The following AGBL4 variants were observed in gnomAD, a reference collection of about 807,000 sequenced individuals.
The protein encoded by AGBL4 is cytosolic carboxypeptidase 6.
A neutral mutation model predicts 66.4 loss-of-function variants in AGBL4; 58 were observed. The observed-to-expected ratio is 0.87, with a 90% CI of 0.71 to 1.09. The LOEUF (loss-of-function observed/expected upper bound fraction) is 1.09, where lower values mean the gene tolerates loss of function less well. Ranked by LOEUF, AGBL4 falls within the 50% of genes least tolerant of loss-of-function variation. The pLI is 0.00. For synonymous variants in AGBL4, 234 were observed against 222.9 expected (o/e 1.05, Z -0.44); for missense variants, 579 against 631.0 (o/e 0.92, Z 0.88).
chr1:49,616,600 C>T (rs912248493), intron 3 of AGBL4, among the ~76,000 whole-genome samples: 1 of 152,098 alleles, frequency 6.6e-6, no homozygotes, highest in African/African-American at 2.4e-5. Context: ...TCAAATGTTT[C>T]CTTGAACTCC....
At chr1:49,802,060 G>A (rs1644873202) in intron 2 of AGBL4, among the ~76,000 whole-genome samples, 1 of 152,200 alleles carries the variant, frequency 6.6e-6, no homozygotes, top group South Asian at 2.1e-4. Flanking sequence ...GTTGCCTGCA[G>A]GATTGTGTAA....
At chr1:49,529,363 C>A (rs1650916701) in intron 3 of AGBL4, among the ~76,000 whole-genome samples, 1 of 151,950 alleles carries the variant, frequency 6.6e-6, no homozygotes, top group African/African-American at 2.4e-5. Flanking sequence ...AAATGTAGAA[C>A]AAAGGAGAAA....
chr1:48,766,875 G>C (rs1644557333), intron 6 of AGBL4, among the ~76,000 whole-genome samples: 1 of 152,168 alleles, frequency 6.6e-6, no homozygotes, highest in South Asian at 2.1e-4. Flanking sequence ...TTTGATTTCA[G>C]CACTATGCTA....
intron 2 of AGBL4, among the ~76,000 whole-genome samples, chr1:49,712,563 T>C (rs969105836): frequency 6.6e-6 from 1 of 151,906 alleles, no homozygotes. Flanking sequence ...GTTAATAATA[T>C]TGCATATTGA....
rs865847131 is a variant in AGBL4, at chr1:49,284,328, A to G, written c.283-38464T>C. Among the ~76,000 whole-genome samples, 6 of 152,292 alleles carry G rather than the reference A, an allele frequency of 3.9e-5. 1 individual carries two copies. The South Asian group carries it at 1.2e-3, about 32-fold the overall frequency. On this transcript the variant is annotated intron_variant, in intron 3 of 13. Transcript: ENST00000371839. ...TTTACAGACAAGCAAATGCTGAGAG[A>G]TTTTGTCACCACCAGGCCTTCCCTA... is the stretch of plus-strand genomic sequence containing the variant.
At chr1:48,646,513 A>ATGTGTGTGTGTGTGTGTGTGTG (rs61233999) in intron 8 of AGBL4, among the ~76,000 whole-genome samples, 6 of 131,436 alleles carry the variant, frequency 4.6e-5, no homozygotes, top group Non-Finnish European at 8.1e-5. Flanking sequence ...ACCAGTTATA[A>ATGTGTGTGTGTGTGTGTGTGTG]TGTGTGTGTG....
rs146696528 is a variant in AGBL4, at chr1:48,588,739, C to T, written c.1105-1573G>A. Among the ~76,000 whole-genome samples, 85 of 149,208 alleles carry T rather than the reference C, an allele frequency of 5.7e-4. 1 individual carries two copies. The East Asian group carries it at 0.013, about 23-fold the overall frequency. ...ATCATAGAATGTCAGATCTGAAAGA[C>T]CTTTGAAATCCATGTAGTAAACTCC... On this transcript the variant is annotated intron_variant, in intron 10 of 13. Transcript: ENST00000371839.
At chr1:49,832,863 G>C (rs1324847836) in intron 2 of AGBL4, among the ~76,000 whole-genome samples, 2 of 151,968 alleles carry the variant, frequency 1.3e-5, no homozygotes, top group Non-Finnish European at 2.9e-5. Flanking sequence ...TTATAAATTT[G>C]TTTGAGTTCA....
intron 1 of AGBL4, among the ~76,000 whole-genome samples, chr1:49,944,002 A>G (rs1479113985): frequency 6.6e-6 from 1 of 151,946 alleles, no homozygotes; most frequent in East Asian, 1.9e-4. Context: ...AACTCCATAG[A>G]CCTGGGAACC....
intron 3 of AGBL4, among the ~76,000 whole-genome samples, chr1:49,574,846 C>T (rs181592146): frequency 1.3e-4 from 20 of 151,914 alleles, no homozygotes; most frequent in East Asian, 3.9e-4. Flanking sequence ...ATTGATAGGA[C>T]GCCTACTGCA....
intron 3 of AGBL4, among the ~76,000 whole-genome samples, chr1:49,428,652 A>G (rs905724278): frequency 9.2e-5 from 14 of 152,324 alleles, no homozygotes; most frequent in African/African-American, 3.1e-4. Context: ...AGATGCAAAA[A>G]TATTATTCTG....
intron 5 of AGBL4, among the ~76,000 whole-genome samples, chr1:48,876,638 G>C (rs935705719): frequency 6.6e-6 from 1 of 152,102 alleles, no homozygotes; most frequent in Admixed American, 6.5e-5. Context: ...GTTACAGTTA[G>C]GTGCTTACAT....
intron 5 of AGBL4, among the ~76,000 whole-genome samples, chr1:48,893,408 G>A (rs1041300845): frequency 6.6e-5 from 10 of 152,210 alleles, no homozygotes; most frequent in Admixed American, 1.3e-4. Context: ...CAGGCCGGGC[G>A]TGGTGGCTCA....
intron 4 of AGBL4, among the ~76,000 whole-genome samples, chr1:49,128,194 G>A (rs1645805152): frequency 6.6e-6 from 1 of 151,954 alleles, no homozygotes; most frequent in Non-Finnish European, 1.5e-5. Context: ...TCACTGGATA[G>A]AATTAATCTC....
intron 5 of AGBL4, among the ~76,000 whole-genome samples, chr1:48,996,817 CCCTTCCTTCCTT>C (rs58530293): frequency 1.6e-4 from 23 of 147,866 alleles, no homozygotes; most frequent in Admixed American, 4.1e-4. Context: ...CTTCCTTCCT[CCCTTCCTTCCTT>C]CCTTCCTTCC....
intron 2 of AGBL4, among the ~76,000 whole-genome samples, chr1:49,831,237 T>C (rs761516377): frequency 2.0e-5 from 3 of 152,222 alleles, no homozygotes; most frequent in Non-Finnish European, 2.9e-5. Context: ...TTCCTATCCA[T>C]GAGCATGGAA....
chr1:49,207,508 T>TC (rs1437569004), intron 4 of AGBL4, among the ~76,000 whole-genome samples: 45 of 150,820 alleles, frequency 3.0e-4, no homozygotes, highest in East Asian at 5.9e-4. Context: ...TTTCTTTCTT[T>TC]TTCTTTCTTT....
intron 5 of AGBL4, among the ~76,000 whole-genome samples, chr1:48,929,801 C>T (rs370528546): frequency 1.0e-3 from 159 of 152,266 alleles, no homozygotes; most frequent in African/African-American, 3.1e-3. Flanking sequence ...CTTCTAACAT[C>T]GGGACTCATT....
intron 3 of AGBL4, among the ~76,000 whole-genome samples, chr1:49,618,281 T>C (rs1164045893): frequency 1.3e-5 from 2 of 152,202 alleles, no homozygotes; most frequent in African/African-American, 4.8e-5. Flanking sequence ...TGGTTCCAAG[T>C]CTTTGCTACT....
Sources: allele counts gnomAD v4.1 joint callset (sites outside exome capture counted in the v4.1 genomes callset), GRCh38; gene constraint gnomAD v4.1.1; transcripts MANE v1.5; gene names NCBI Gene and HGNC (gene_info 2026-07-23, HGNC 2026-07-21).